The following NTM variants were observed in gnomAD, a reference collection of about 807,000 sequenced individuals.
NTM encodes neurotrimin, also known as IgLON family member 2.
A neutral mutation model predicts 42.1 loss-of-function variants in NTM; 13 were observed. The observed-to-expected ratio is 0.31, with a 90% CI of 0.20 to 0.49. NTM has a LOEUF of 0.49. NTM is among the 20% of genes least tolerant of loss of function. The probability of loss-of-function intolerance (pLI) is 0.99; values close to 1 mark genes in which losing one functional copy is unlikely to be tolerated. For missense variants in NTM, 373 were observed against 452.8 expected (o/e 0.82, Z 1.60); for synonymous variants, 187 against 179.2 (o/e 1.04, Z -0.35).
intron 1 of NTM, among the ~76,000 whole-genome samples, chr11:131,525,731 T>C (rs417154): frequency 0.21 from 32,525 of 152,116 alleles, 3,741 homozygotes; most frequent in African/African-American, 0.3. Flanking sequence ...GATCCCAGCT[T>C]TGCTGTTTCC....
At chr11:131,975,081 A>G (rs772353472) in intron 2 of NTM, among the ~76,000 whole-genome samples, 2 of 152,180 alleles carry the variant, frequency 1.3e-5, no homozygotes, top group Non-Finnish European at 2.9e-5. Flanking sequence ...CTTGTGCCTT[A>G]AAAAATATTC....
intron 1 of NTM, among the ~76,000 whole-genome samples, chr11:131,700,907 C>T (rs1375209645): frequency 6.6e-6 from 1 of 152,206 alleles, no homozygotes; most frequent in African/African-American, 2.4e-5. Flanking sequence ...CAGGTTTTGT[C>T]TCTGGAGTCA....
At chr11:131,578,509 G>C (rs183835805) in intron 1 of NTM, among the ~76,000 whole-genome samples, 3 of 152,262 alleles carry the variant, frequency 2.0e-5, no homozygotes, top group East Asian at 1.9e-4. Flanking sequence ...ATTCCAGTGA[G>C]AACAGAGACA....
At chr11:132,090,755 T>G (rs777119661) in intron 2 of NTM, among the ~76,000 whole-genome samples, 3 of 152,124 alleles carry the variant, frequency 2.0e-5, no homozygotes, top group Non-Finnish European at 4.4e-5. Context: ...ACTGTCAGAC[T>G]CTTCAACCTC....
intron 1 of NTM, among the ~76,000 whole-genome samples, chr11:131,493,328 G>A (rs183960892): frequency 1.3e-3 from 196 of 152,230 alleles, no homozygotes; most frequent in Admixed American, 2.4e-3. Flanking sequence ...TAAGATCATG[G>A]AACCATACAT....
At chr11:132,223,047 A>C (rs992029473) in intron 4 of NTM, among the ~76,000 whole-genome samples, 1 of 152,208 alleles carries the variant, frequency 6.6e-6, no homozygotes. Flanking sequence ...ATTTCGACAC[A>C]CACCAGTCCA....
intron 1 of NTM, among the ~76,000 whole-genome samples, chr11:131,507,417 T>A (rs1372756778): frequency 1.3e-5 from 2 of 151,634 alleles, no homozygotes; most frequent in African/African-American, 4.8e-5. Context: ...TTGATCTATA[T>A]CTCTGTTTTG....
At chr11:132,136,263 G>A (rs2067902098) in intron 2 of NTM, among the ~76,000 whole-genome samples, 1 of 152,192 alleles carries the variant, frequency 6.6e-6, no homozygotes, top group South Asian at 2.1e-4. Flanking sequence ...CTCCTTGGAG[G>A]ATGCCAGTCC....
chr11:131,891,576 T>C (rs1439385377), intron 1 of NTM, among the ~76,000 whole-genome samples: 3 of 152,148 alleles, frequency 2.0e-5, no homozygotes, highest in African/African-American at 4.8e-5. Flanking sequence ...TCCAGATGCA[T>C]AGCAGGCCTC....
chr11:131,795,886 G>A, intron 1 of NTM: 7 of 982,066 alleles, frequency 7.1e-6, no homozygotes, highest in Non-Finnish European at 8.5e-6. Context: ...CGCCTGCCTT[G>A]TCTAGTGTGG....
intron 2 of NTM, among the ~76,000 whole-genome samples, chr11:132,088,132 A>G (rs1283091602): frequency 6.6e-6 from 1 of 152,236 alleles, no homozygotes. Context: ...AACACCCCCA[A>G]TATTGTAAAA....
At chr11:131,883,975 AAAT>A (rs1271355607) in intron 1 of NTM, among the ~76,000 whole-genome samples, 1 of 152,222 alleles carries the variant, frequency 6.6e-6, no homozygotes, top group Admixed American at 6.5e-5. Context: ...TGATAGCTAC[AAAT>A]AATAATATTT....
chr11:131,974,171 ACAG>A lies in NTM; in HGVS notation c.167+62527_167+62529del, dbSNP rs577458722. Among the ~76,000 whole-genome samples, 16 of 152,336 alleles carry A rather than the reference ACAG, an allele frequency of 1.1e-4. No individual in the cohort carries two copies. In the South Asian group the frequency reaches 2.1e-3, roughly 20 times the overall value. On this transcript the variant is annotated intron_variant, in intron 2 of 8. Coordinates refer to ENST00000683400, the MANE Select transcript of NTM (RefSeq NM_001352005.2). Reference sequence around the variant, plus strand: ...GTGTTATCAGTAAGGCATCTGTTCAACAGCAGGCTGTTAGTCATTAATTTTGTG... The same window carrying A: ...GTGTTATCAGTAAGGCATCTGTTCAACAGGCTGTTAGTCATTAATTTTGTG...
chr11:131,717,666 C>T (rs896948353), intron 1 of NTM, among the ~76,000 whole-genome samples: 5 of 152,266 alleles, frequency 3.3e-5, no homozygotes, highest in Admixed American at 3.3e-4. Context: ...CTGCAAATGA[C>T]AGTTTTACTT....
At chr11:131,709,008 A>G (rs759696870) in intron 1 of NTM, among the ~76,000 whole-genome samples, 30 of 152,184 alleles carry the variant, frequency 2.0e-4, no homozygotes, top group Non-Finnish European at 3.4e-4. Flanking sequence ...GAAAGCCACA[A>G]TGGAGCAAGT....
intron 1 of NTM, chr11:131,795,132 A>C (rs2091415366): frequency 4.4e-6 from 2 of 456,456 alleles, no homozygotes; most frequent in South Asian, 9.2e-5. Flanking sequence ...GTATTGTATT[A>C]AAGTATGCAT....
chr11:132,290,738 C>A (rs1252860550), intron 4 of NTM, among the ~76,000 whole-genome samples: 1 of 152,078 alleles, frequency 6.6e-6, no homozygotes, highest in Non-Finnish European at 1.5e-5. Context: ...ATAAGTGTTA[C>A]CATTTTTAAA....
At chr11:132,071,607 G>T (rs1271394558) in intron 2 of NTM, among the ~76,000 whole-genome samples, 1 of 152,190 alleles carries the variant, frequency 6.6e-6, no homozygotes, top group Non-Finnish European at 1.5e-5. Flanking sequence ...GAAGGGCATG[G>T]TAAATATTTA....
intron 1 of NTM, among the ~76,000 whole-genome samples, chr11:131,544,716 G>A (rs1442339046): frequency 6.6e-6 from 1 of 152,190 alleles, no homozygotes; most frequent in African/African-American, 2.4e-5. Flanking sequence ...GTTGGAGAAT[G>A]TTTTATTTCC....
Sources: gnomAD v4.1 joint callset for allele counts (sites outside exome capture counted in the v4.1 genomes callset) on GRCh38, gnomAD v4.1.1 for gene constraint, MANE v1.5 for transcripts, NCBI Gene and HGNC (gene_info 2026-07-23, HGNC 2026-07-21) for gene names.